The following GOLPH3 variants were observed in gnomAD, a reference collection of about 807,000 sequenced individuals.
GOLPH3 encodes the protein coat protein GPP34.
A neutral mutation model predicts 28.5 loss-of-function variants in GOLPH3; 14 were observed. The observed-to-expected ratio is 0.49, with a 90% CI of 0.32 to 0.77. GOLPH3 has a LOEUF of 0.77. Among genes scored for constraint, GOLPH3 ranks in the 30% least tolerant of loss-of-function variants. The probability of loss-of-function intolerance (pLI) is 0.03; values close to 1 mark genes in which losing one functional copy is unlikely to be tolerated. For missense variants in GOLPH3, 350 were observed against 393.7 expected (o/e 0.89, Z 0.94); for synonymous variants, 158 against 159.2 (o/e 0.99, Z 0.06).
At chr5:32,156,185 C>T (rs982021119) in intron 1 of GOLPH3, among the ~76,000 whole-genome samples, 2 of 151,648 alleles carry the variant, frequency 1.3e-5, no homozygotes, top group Non-Finnish European at 1.5e-5. Context: ...TTCCCAGACT[C>T]CAGAACTGTG....
chr5:32,133,690 T>C lies in GOLPH3; in HGVS notation c.472+1882A>G, dbSNP rs905406933. Among the ~76,000 whole-genome samples, 8 of 152,242 alleles carry C rather than the reference T, an allele frequency of 5.3e-5. No homozygotes were observed. The East Asian group carries it at 1.3e-3, about 26-fold the overall frequency. ...GCTGCATGTCACTGACAGGCATACA[T>C]GGGAGGCTAACTCAGACAGCATTGA... On this transcript the variant is annotated intron_variant, in intron 3 of 3. Coordinates refer to ENST00000265070, the MANE Select transcript of GOLPH3 (RefSeq NM_022130.4).
intron 3 of GOLPH3, among the ~76,000 whole-genome samples, chr5:32,127,511 G>A (rs933969823): frequency 1.3e-5 from 2 of 152,134 alleles, no homozygotes; most frequent in African/African-American, 4.8e-5. Context: ...TCCATTACAG[G>A]AGCCATTACC....
At chr5:32,153,524 A>G (rs1746356592) in intron 1 of GOLPH3, among the ~76,000 whole-genome samples, 1 of 152,184 alleles carries the variant, frequency 6.6e-6, no homozygotes, top group African/African-American at 2.4e-5. Flanking sequence ...TTTTGACTGC[A>G]CATTCTTAAT....
chr5:32,134,784 T>C (rs1023058678), intron 3 of GOLPH3: 1 of 152,172 alleles, frequency 6.6e-6, no homozygotes, highest in Non-Finnish European at 1.5e-5. Context: ...GATCACAAGT[T>C]AGATTTTTTT....
intron 1 of GOLPH3, among the ~76,000 whole-genome samples, chr5:32,163,952 A>G (rs2111891554): frequency 6.6e-6 from 1 of 152,336 alleles, no homozygotes; most frequent in South Asian, 2.1e-4. Context: ...AAATGAAACC[A>G]GAGTAAAAAT....
At chr5:32,155,075 G>A (rs1746388853) in intron 1 of GOLPH3, among the ~76,000 whole-genome samples, 1 of 132,548 alleles carries the variant, frequency 7.5e-6, no homozygotes, top group African/African-American at 3.0e-5. Context: ...ATCCCGCCTG[G>A]GCGACAGAGC....
chr5:32,142,435 C>T (rs1419548309), intron 2 of GOLPH3, among the ~76,000 whole-genome samples: 2 of 149,986 alleles, frequency 1.3e-5, no homozygotes, highest in African/African-American at 5.0e-5. Context: ...AAGTGAGGAG[C>T]GTCTCCGCCC....
rs1199358238 is a variant in GOLPH3, at chr5:32,126,654, G to A, written c.473-18C>T. On this transcript the variant is annotated intron_variant, in intron 3 of 3. Transcript: ENST00000265070. ...TGTCTCACCTAAACAAAAGATTTCA[G>A]AAGTTAGAAATGATGAGTATTATCT... 1.3e-6 allele frequency: 2 copies of A among 1,595,880 alleles called. No homozygotes were observed. The highest frequency in any genetic ancestry group is 2.2e-5 in the East Asian group (1 of 44,754).
intron 1 of GOLPH3, among the ~76,000 whole-genome samples, chr5:32,146,181 T>C (rs999216560): frequency 1.3e-5 from 2 of 151,846 alleles, no homozygotes; most frequent in African/African-American, 4.8e-5. Context: ...TCCCAGCTAC[T>C]TGGAAGGCTG....
At chr5:32,154,153 A>G (rs968397944) in intron 1 of GOLPH3, among the ~76,000 whole-genome samples, 2 of 152,220 alleles carry the variant, frequency 1.3e-5, no homozygotes, top group Non-Finnish European at 2.9e-5. Flanking sequence ...ACCGCAAGTC[A>G]TAATTTTAAA....
At chr5:32,167,831 A>G (rs981864112) in intron 1 of GOLPH3, among the ~76,000 whole-genome samples, 2 of 152,050 alleles carry the variant, frequency 1.3e-5, no homozygotes, top group African/African-American at 4.8e-5. Flanking sequence ...GGGTGCGCCT[A>G]TAGTCCCAGC....
intron 1 of GOLPH3, among the ~76,000 whole-genome samples, chr5:32,160,481 G>A (rs1325444256): frequency 6.6e-6 from 1 of 152,182 alleles, no homozygotes; most frequent in East Asian, 1.9e-4. Context: ...CAAAGGCATA[G>A]AATGAAAAGG....
At chr5:32,140,423 G>A (rs762187470) in intron 2 of GOLPH3, among the ~76,000 whole-genome samples, 1 of 151,950 alleles carries the variant, frequency 6.6e-6, no homozygotes, top group Non-Finnish European at 1.5e-5. Flanking sequence ...TGGGAGGCAG[G>A]TGGATCATTT....
chr5:32,174,125 TCCGTG>T lies in GOLPH3; in HGVS notation c.-96_-92del. Reference sequence around the variant, plus strand: ...CCCCGCGCGGCCTCCGATCCGGGTTTCCGTGTTAAATCCGGACGCCGGGGCGACGT... The same window carrying T: ...CCCCGCGCGGCCTCCGATCCGGGTTTTTAAATCCGGACGCCGGGGCGACGT... On this transcript the variant is annotated 5_prime_UTR_variant, in exon 1 of 4. Transcript: ENST00000265070. 2 of 927,278 alleles carry T rather than the reference TCCGTG, an allele frequency of 2.2e-6. No homozygotes were observed. Among genetic ancestry groups the T allele is most frequent in the Non-Finnish European group, 2.8e-6 (2 of 711,930 alleles). 57.4% of individuals were successfully genotyped at this position (927,278 alleles called of 1,614,324 possible). A position where few individuals can be genotyped will look rare whatever the true frequency, so the allele number is the denominator to read the frequency against.
At chr5:32,140,973 G>C (rs1033339836) in intron 2 of GOLPH3, among the ~76,000 whole-genome samples, 1 of 151,892 alleles carries the variant, frequency 6.6e-6, no homozygotes, top group East Asian at 1.9e-4. Flanking sequence ...GAGCAGCCCA[G>C]GCAACATAGC....
At chr5:32,171,089 T>C (rs1746823818) in intron 1 of GOLPH3, among the ~76,000 whole-genome samples, 1 of 152,232 alleles carries the variant, frequency 6.6e-6, no homozygotes. Flanking sequence ...TATGTGAGTA[T>C]GGTTAAACTT....
intron 1 of GOLPH3, among the ~76,000 whole-genome samples, chr5:32,153,915 T>C (rs1416223303): frequency 6.6e-6 from 1 of 152,126 alleles, no homozygotes; most frequent in Non-Finnish European, 1.5e-5. Context: ...CAGGATTCCT[T>C]GAAGGAATGA....
intron 1 of GOLPH3, among the ~76,000 whole-genome samples, chr5:32,158,018 TAAAATACACACAC>T (rs1561678579): frequency 0.035 from 934 of 26,972 alleles, 93 homozygotes; most frequent in African/African-American, 0.12. Flanking sequence ...AATAAATAAA[TAAAATACACACAC>T]ACACACACAC....
At chr5:32,168,505 T>G (rs528667004) in intron 1 of GOLPH3, among the ~76,000 whole-genome samples, 1 of 152,316 alleles carries the variant, frequency 6.6e-6, no homozygotes, top group East Asian at 1.9e-4. Flanking sequence ...CTACAAGCAT[T>G]AGAAACATTA....
Sources: gnomAD v4.1 joint callset for allele counts (sites outside exome capture counted in the v4.1 genomes callset) on GRCh38, gnomAD v4.1.1 for gene constraint, MANE v1.5 for transcripts, NCBI Gene and HGNC (gene_info 2026-07-23, HGNC 2026-07-21) for gene names.